The following ATP1A3 variants were observed in gnomAD, a reference collection of about 807,000 sequenced individuals.
ATP1A3 encodes ATPase Na+/K+ transporting subunit alpha 3.
A neutral mutation model predicts 108.8 loss-of-function variants in ATP1A3; 12 were observed. The ratio of observed to expected loss-of-function variants is 0.11; its 90% CI spans 0.07 to 0.18. The LOEUF (loss-of-function observed/expected upper bound fraction) is 0.18. Ranked by LOEUF, ATP1A3 falls within the 10% of genes least tolerant of loss-of-function variation. ATP1A3 has a pLI of 1.00. For missense variants in ATP1A3, 498 were observed against 1,387.7 expected, an observed-to-expected ratio of 0.36 and a Z score of 10.19; for synonymous variants, 539 against 564.5, an observed-to-expected ratio of 0.95 and a Z score of 0.64.
chr19:41,993,241 T>G, intron 1 of ATP1A3: 1 of 487,714 alleles, frequency 2.1e-6, no homozygotes. Flanking sequence ...AAGGGTCAGG[T>G]GGTCAGCCAG....
rs2075066693 is a variant in ATP1A3, at chr19:41,968,325, G to C, written c.2819+460C>G. Among the ~76,000 whole-genome samples the C allele has an allele frequency of 1.3e-5, 2 of 152,116 alleles. No individual in the cohort carries two copies. Among genetic ancestry groups the C allele is most frequent in the African/African-American group, 4.8e-5 (2 of 41,418 alleles). On this transcript the variant is annotated intron_variant, in intron 20 of 22. Coordinates refer to ENST00000648268, the MANE Select transcript of ATP1A3 (RefSeq NM_152296.5). This position sits in a 1 kb window ranked among gnomAD's most constrained non-coding sequence, Gnocchi z 5.0. ...GCTCAGGAGTTTGAGACCAGCCTGG[G>C]CAACATGGTGAAACTCTACTAAAAA... is the stretch of plus-strand genomic sequence containing the variant.
At position 41,985,466 on chromosome 19, in the gene ATP1A3, G is replaced by A; in HGVS notation, c.607-43C>T. 6.5e-7 allele frequency: 1 copy of A among 1,549,530 alleles called. No individual in the cohort carries two copies. The highest frequency in any genetic ancestry group is 8.9e-7 in the Non-Finnish European group (1 of 1,121,472). ...AGAGAGAGGGTTCAGTCCAGGGCCTGGGACAGGAGGGTATTTGTGTACAGG... is the reference window on the plus strand; with the variant it reads ...AGAGAGAGGGTTCAGTCCAGGGCCTAGGACAGGAGGGTATTTGTGTACAGG... On this transcript the variant is annotated intron_variant, in intron 6 of 22. Coordinates refer to ENST00000648268, the MANE Select transcript of ATP1A3 (RefSeq NM_152296.5). The surrounding 1 kb of genome is among the most constrained non-coding windows in gnomAD (Gnocchi z 8.2).
chr19:41,982,023 G>A lies in ATP1A3; in HGVS notation c.1077C>T (p.Ser359=). 1 of 1,614,186 alleles carries A rather than the reference G, an allele frequency of 6.2e-7. No homozygotes were observed. Among genetic ancestry groups the A allele is most frequent in the South Asian group, 1.1e-5 (1 of 91,074 alleles). ...TCTTATCTGAGCAGATGGTGGACGT[G>A]GAGCCCAGGGTTTCTACAGCCTCCA... The part of the protein sequence containing the change: ...KNLEAVETLG[S]TSTICSDKTG... The change falls in exon 9 of 23, where the codon TCC becomes TCT. Residue 359 remains serine (S), a synonymous_variant. Transcript: ENST00000648268.
chr19:41,967,462 T>A lies in ATP1A3; in HGVS notation c.2922-122A>T. On this transcript the variant is annotated intron_variant, in intron 21 of 22. Coordinates refer to ENST00000648268, the MANE Select transcript of ATP1A3 (RefSeq NM_152296.5). This position sits in a 1 kb window ranked among gnomAD's most constrained non-coding sequence, Gnocchi z 4.2. ...ATCCTTCGTGCTCACAGGTGGAGGG[T>A]GCCCTGGGCGGGGCTGGGGCCTGGG... The A allele has an allele frequency of 7.8e-7, 1 of 1,285,002 alleles. No homozygotes were observed. Among genetic ancestry groups the A allele is most frequent in the Non-Finnish European group, 1.1e-6 (1 of 928,816 alleles). The allele number at this position is 1,285,002 out of a possible 1,614,324, so 79.6% of individuals were successfully genotyped here.
chr19:41,980,485 A>G (rs985348302), intron 11 of ATP1A3, among the ~76,000 whole-genome samples: 1 of 152,098 alleles, frequency 6.6e-6, no homozygotes. Context: ...GTGGTGGTGC[A>G]CGCCTCTAAT....
chr19:41,967,206 G>C lies in ATP1A3; in HGVS notation c.3013+43C>G, dbSNP rs2075052032. On this transcript the variant is annotated intron_variant, in intron 22 of 22. Transcript: ENST00000648268. This position sits in a 1 kb window ranked among gnomAD's most constrained non-coding sequence, Gnocchi z 4.2. ...CCTGGGACCAGCTGCCTGAGACCCT[G>C]CTGCCCCCCGCCCCCCTCGGCTGCC... 6.2e-7 allele frequency: 1 copy of C among 1,613,308 alleles called. No homozygotes were observed. The highest frequency in any genetic ancestry group is 1.1e-5 in the South Asian group (1 of 91,002).
At chr19:41,972,050 G>A (rs1473698322) in intron 16 of ATP1A3, among the ~76,000 whole-genome samples, 1 of 152,110 alleles carries the variant, frequency 6.6e-6, no homozygotes, top group Non-Finnish European at 1.5e-5. Context: ...AAGAGTTCAA[G>A]ACCAGCCTGG....
intron 4 of ATP1A3, 24 bp from the exon 5 acceptor site, chr19:41,986,253 G>A: frequency 6.2e-7 from 1 of 1,610,354 alleles, no homozygotes; most frequent in Non-Finnish European, 8.5e-7. Context: ...TGGGGATGTT[G>A]ATCAGGGGCC....
At position 41,970,685 on chromosome 19, in the gene ATP1A3, G is replaced by A. The variant is rs1280038949; in HGVS notation, c.2264-143C>T. On this transcript the variant is annotated intron_variant, in intron 16 of 22. Coordinates refer to ENST00000648268, the MANE Select transcript of ATP1A3 (RefSeq NM_152296.5). ...CTCGCTGTGTTGCCCAGGCTGGAGT[G>A]CAGTGGTGCGATCTCGGCTCACTGC... 10 of 1,014,330 alleles carry A rather than the reference G, an allele frequency of 9.9e-6. No individual in the cohort carries two copies. In the African/African-American group the frequency reaches 1.5e-4, roughly 16 times the overall value. 62.8% of individuals were successfully genotyped at this position (1,014,330 alleles called of 1,614,324 possible).
chr19:41,969,011 C>G, intron 19 of ATP1A3, 96 bp from the exon 20 acceptor site: 2 of 1,570,560 alleles, frequency 1.3e-6, no homozygotes, highest in Non-Finnish European at 1.7e-6. Context: ...CCCGCCCCAT[C>G]CTGCATGGGG....
chr19:41,993,372 C>G (rs1555868028), intron 1 of ATP1A3: 1 of 1,533,326 alleles, frequency 6.5e-7, no homozygotes, highest in Admixed American at 2.0e-5. Flanking sequence ...ACACCCTCAG[C>G]TGTGCACTCA....
At chr19:41,971,370 C>G (rs573907200) in intron 16 of ATP1A3, among the ~76,000 whole-genome samples, 1 of 152,254 alleles carries the variant, frequency 6.6e-6, no homozygotes, top group East Asian at 1.9e-4. Context: ...ATCCCCCACC[C>G]CACCGACCGA....
At position 41,970,460 on chromosome 19, in the gene ATP1A3, C is replaced by G; in HGVS notation, c.2346G>C (p.Leu782=). ...GCAGCGGGATGTTGGCCATGATGAA[C>G]AGCAGGAAGGGCGTGATCTCCGGGA... is the stretch of plus-strand genomic sequence containing the variant. ...SNIPEITPFL[L]FIMANIPLPL... Residue 782 remains leucine (L), a synonymous_variant, in exon 17 of 23, where the codon CTG becomes CTC. Transcript: ENST00000648268. 1 of 1,614,044 alleles carries G rather than the reference C, an allele frequency of 6.2e-7. No homozygotes were observed. The highest frequency in any genetic ancestry group is 8.5e-7 in the Non-Finnish European group (1 of 1,180,002).
At chr19:41,991,539 T>C (rs1346679833) in intron 1 of ATP1A3, among the ~76,000 whole-genome samples, 1 of 151,490 alleles carries the variant, frequency 6.6e-6, no homozygotes, top group African/African-American at 2.4e-5. Flanking sequence ...GATGGAGAGA[T>C]GTGGAGCTAC....
intron 1 of ATP1A3, chr19:41,993,205 C>A (rs941578250): frequency 2.4e-6 from 1 of 413,998 alleles, no homozygotes; most frequent in Non-Finnish European, 4.6e-6. Flanking sequence ...GCCCCAGACA[C>A]ACAGGGAGGA....
intron 8 of ATP1A3, among the ~76,000 whole-genome samples, chr19:41,982,973 T>C (rs2075249812): frequency 6.6e-6 from 1 of 152,206 alleles, no homozygotes; most frequent in Non-Finnish European, 1.5e-5. Context: ...TCTGTTCAGT[T>C]TGCCCCAAAT....
Position 41,976,314 on chromosome 19 carries a change from C to A in ATP1A3, c.2094+102G>T. 2.0e-6 allele frequency: 3 copies of A among 1,509,562 alleles called. No homozygotes were observed. In the South Asian group the frequency reaches 3.5e-5, roughly 18 times the overall value. 93.5% of individuals were successfully genotyped at this position (1,509,562 alleles called of 1,614,324 possible). On this transcript the variant is annotated intron_variant, in intron 15 of 22. Transcript: ENST00000648268. ...CCTCTCTCAGACCCAGGGGTCCAGA[C>A]CCCCAGCCCCTCCTCCCTCAGACCC... is the stretch of plus-strand genomic sequence containing the variant.
chr19:41,987,099 C>A (rs1029968207), intron 4 of ATP1A3, among the ~76,000 whole-genome samples: 1 of 152,112 alleles, frequency 6.6e-6, no homozygotes, highest in South Asian at 2.1e-4. Flanking sequence ...GTCTGGGATG[C>A]GGCTGTCTGT....
At chr19:41,987,338 C>A (rs2075296354) in intron 4 of ATP1A3, among the ~76,000 whole-genome samples, 1 of 152,076 alleles carries the variant, frequency 6.6e-6, no homozygotes, top group Admixed American at 6.5e-5. Context: ...GTGTGCGTGT[C>A]AGTGTGTGTG....
Sources: gnomAD v4.1 joint callset for allele counts (sites outside exome capture counted in the v4.1 genomes callset) on GRCh38, gnomAD v4.1.1 for gene constraint, Gnocchi (gnomAD v3.1) non-coding constraint, MANE v1.5 for transcripts, NCBI Gene and HGNC (gene_info 2026-07-23, HGNC 2026-07-21) for gene names.